CCDC6: variants seen among roughly 807,000 people sequenced by gnomAD.
The protein encoded by CCDC6 is coiled-coil domain containing 6, also known as coiled-coil domain-containing protein 6.
CCDC6 carries 20 observed loss-of-function variants against 56.6 expected under a neutral mutation model. That is an observed-to-expected ratio of 0.35 (90% confidence interval 0.25 to 0.51). The LOEUF (loss-of-function observed/expected upper bound fraction) is 0.51. CCDC6 is among the 20% of genes least tolerant of loss of function. CCDC6 has a pLI of 0.95. For synonymous variants in CCDC6, 241 were observed against 234.4 expected (o/e 1.03, Z -0.26); for missense variants, 367 against 601.1 (o/e 0.61, Z 4.07).
rs536711839 is a variant in CCDC6 at position 59,850,318 on chromosome 10, A to C, written c.453+2235T>G. ...TTAACGCCACCAAATTGTACACTCAAAAATGGCTAAAATGGTAAATTTTAT... is the reference window on the plus strand; with the variant it reads ...TTAACGCCACCAAATTGTACACTCACAAATGGCTAAAATGGTAAATTTTAT... On this transcript the variant is annotated intron_variant, in intron 2 of 8. Transcript: ENST00000263102. Among the ~76,000 whole-genome samples the C allele has an allele frequency of 3.3e-5, 5 of 151,870 alleles. No individual in the cohort carries two copies. The East Asian group carries it at 9.7e-4, about 29-fold the overall frequency.
intron 1 of CCDC6, among the ~76,000 whole-genome samples, chr10:59,870,754 G>C (rs141375202): frequency 1.2e-4 from 18 of 152,298 alleles, no homozygotes; most frequent in Non-Finnish European, 2.6e-4. Flanking sequence ...TTCACAGGCT[G>C]GAATCGAACT....
chr10:59,834,707 C>T (rs766226343), intron 2 of CCDC6, among the ~76,000 whole-genome samples: 1 of 152,038 alleles, frequency 6.6e-6, no homozygotes, highest in Non-Finnish European at 1.5e-5. Context: ...TTGCAGGGAC[C>T]CAAGAGAAAA....
At chr10:59,902,692 G>A (rs939088958) in intron 1 of CCDC6, among the ~76,000 whole-genome samples, 3 of 152,124 alleles carry the variant, frequency 2.0e-5, no homozygotes, top group East Asian at 1.9e-4. Flanking sequence ...GAGCCACCGC[G>A]CCCGGCCCCG....
Position 59,832,611 on chromosome 10 carries a change from C to T in CCDC6, c.496G>A (p.Glu166Lys). 1 of 1,613,668 alleles carries T rather than the reference C, an allele frequency of 6.2e-7. No homozygotes were observed. The highest frequency in any genetic ancestry group is 8.5e-7 in the Non-Finnish European group (1 of 1,179,782). Reference protein sequence around the residue: ...KAELEQHLEQEQEFQVNKLMK... With the variant: ...KAELEQHLEQKQEFQVNKLMK... ...AGTTTGTTGACCTGAAATTCCTGCT[C>T]TTGTTCAAGATGCTGTTCTAGTTCG... The change falls in exon 3 of 9, where the codon GAG (glutamate) becomes AAG (lysine). Residue 166 changes from glutamate (E) to lysine (K), a missense_variant. By Grantham distance (56) the Glu-to-Lys change is moderately conservative. Transcript: ENST00000263102.
At chr10:59,882,830 C>G (rs565392041) in intron 1 of CCDC6, among the ~76,000 whole-genome samples, 116 of 152,044 alleles carry the variant, frequency 7.6e-4, no homozygotes, top group African/African-American at 2.6e-3. Flanking sequence ...CGTGGTGGCG[C>G]GCACCTGTAA....
chr10:59,901,104 T>C (rs1054336780), intron 1 of CCDC6, among the ~76,000 whole-genome samples: 1 of 152,016 alleles, frequency 6.6e-6, no homozygotes, highest in Admixed American at 6.6e-5. Flanking sequence ...ATAGAGTATA[T>C]GAAACACATA....
intron 6 of CCDC6, chr10:59,806,366 G>A: frequency 6.6e-6 from 1 of 152,076 alleles, no homozygotes; most frequent in East Asian, 1.9e-4. Context: ...GGCAATGAGG[G>A]GATTCATTGC....
intron 3 of CCDC6, 140 bp from the exon 4 acceptor site, chr10:59,814,895 G>A (rs1203092698): frequency 1.6e-6 from 1 of 614,660 alleles, no homozygotes; most frequent in Non-Finnish European, 2.9e-6. Context: ...AACATATTAA[G>A]TGCATCTAGT....
chr10:59,868,977 A>G (rs1245366023), intron 1 of CCDC6, among the ~76,000 whole-genome samples: 1 of 151,918 alleles, frequency 6.6e-6, no homozygotes, highest in South Asian at 2.1e-4. Flanking sequence ...CATCTTAGCC[A>G]TGAGTATTAC....
At position 59,896,683 on chromosome 10, in the gene CCDC6, T is replaced by C. The variant is rs570696815; in HGVS notation, c.303+9439A>G. Reference sequence around the variant, plus strand: ...AGGTTTACCAGGGAGGAAAAAAAAATGGGTGTTATTGTTTAATGGGTACAG... The same window carrying C: ...AGGTTTACCAGGGAGGAAAAAAAAACGGGTGTTATTGTTTAATGGGTACAG... On this transcript the variant is annotated intron_variant, in intron 1 of 8. Transcript: ENST00000263102. 1.1e-3 allele frequency among the ~76,000 whole-genome samples: 166 copies of C among 150,822 alleles called. 1 individual carries two copies. Among genetic ancestry groups the C allele is most frequent in the African/African-American group, 4.0e-3 (163 of 41,044 alleles).
At chr10:59,868,429 C>CTTCT (rs2071196293) in intron 1 of CCDC6, among the ~76,000 whole-genome samples, 1 of 152,122 alleles carries the variant, frequency 6.6e-6, no homozygotes. Flanking sequence ...TCCAGCCCGC[C>CTTCT]GCCACTAGAC....
At chr10:59,871,490 A>AT (rs1436236599) in intron 1 of CCDC6, among the ~76,000 whole-genome samples, 2 of 105,978 alleles carry the variant, frequency 1.9e-5, no homozygotes, top group African/African-American at 6.6e-5. Context: ...AAAAAAAAAA[A>AT]AAAGTTGATG....
intron 2 of CCDC6, among the ~76,000 whole-genome samples, chr10:59,840,483 C>T (rs991649023): frequency 6.6e-6 from 1 of 152,150 alleles, no homozygotes; most frequent in Non-Finnish European, 1.5e-5. Flanking sequence ...TGGTCCTCTC[C>T]TCTGGGCACA....
intron 1 of CCDC6, among the ~76,000 whole-genome samples, chr10:59,880,588 G>A (rs902225136): frequency 6.6e-6 from 1 of 152,150 alleles, no homozygotes; most frequent in African/African-American, 2.4e-5. Flanking sequence ...TTACACATGT[G>A]CCTTCAATCT....
intron 1 of CCDC6, among the ~76,000 whole-genome samples, chr10:59,855,293 C>A (rs1016092456): frequency 6.6e-6 from 1 of 152,166 alleles, no homozygotes; most frequent in African/African-American, 2.4e-5. Context: ...CTAGGCCAGG[C>A]GCAGTGGCTC....
intron 1 of CCDC6, among the ~76,000 whole-genome samples, chr10:59,885,710 T>C (rs1205050576): frequency 6.6e-6 from 1 of 152,156 alleles, no homozygotes; most frequent in African/African-American, 2.4e-5. Context: ...GAACATTTTT[T>C]TACCAATTCT....
intron 1 of CCDC6, among the ~76,000 whole-genome samples, chr10:59,878,393 T>C (rs1367033838): frequency 6.6e-6 from 1 of 152,174 alleles, no homozygotes; most frequent in Non-Finnish European, 1.5e-5. Flanking sequence ...GCACTCCTCT[T>C]CACCTTCCTT....
At chr10:59,900,745 A>C in intron 1 of CCDC6, among the ~76,000 whole-genome samples, 1 of 152,222 alleles carries the variant, frequency 6.6e-6, no homozygotes, top group East Asian at 1.9e-4. Context: ...GCACTGTAAA[A>C]GACTGTCATG....
chr10:59,817,092 T>C (rs7088886), intron 3 of CCDC6, among the ~76,000 whole-genome samples: 78,023 of 152,114 alleles, frequency 0.51, 20,906 homozygotes, highest in African/African-American at 0.66. Flanking sequence ...AATGAGAAAT[T>C]GTGGGACCCT....
Sources: allele counts gnomAD v4.1 joint callset (sites outside exome capture counted in the v4.1 genomes callset), GRCh38; gene constraint gnomAD v4.1.1; transcripts MANE v1.5; gene names NCBI Gene and HGNC (gene_info 2026-07-23, HGNC 2026-07-21).